Variants in GHR observed in about 807,000 individuals in gnomAD.
GHR encodes GH receptor.
GHR carries 35 observed loss-of-function variants against 67.1 expected under a neutral mutation model. That is an observed-to-expected ratio of 0.52 (90% CI 0.40 to 0.69). The LOEUF is 0.69. GHR is among the 30% of genes least tolerant of loss of function. The probability of loss-of-function intolerance (pLI) is 0.00; values close to 1 mark genes in which losing one functional copy is unlikely to be tolerated. For missense variants in GHR, 792 were observed against 764.6 expected (o/e 1.04, Z -0.42); for synonymous variants, 272 against 269.1 (o/e 1.01, Z -0.10).
At chr5:42,567,906 A>G (rs1272646419) in intron 2 of GHR, among the ~76,000 whole-genome samples, 1 of 152,096 alleles carries the variant, frequency 6.6e-6, no homozygotes. Flanking sequence ...GATAATATTT[A>G]TGGACCATGT....
At chr5:42,529,125 C>T (rs1375028541) in intron 1 of GHR, among the ~76,000 whole-genome samples, 1 of 151,812 alleles carries the variant, frequency 6.6e-6, no homozygotes, top group Non-Finnish European at 1.5e-5. Flanking sequence ...CATTCTCCTG[C>T]CTCAGCCTCC....
intron 5 of GHR, among the ~76,000 whole-genome samples, chr5:42,695,368 CG>C (rs1757625735): frequency 6.6e-6 from 1 of 152,116 alleles, no homozygotes; most frequent in African/African-American, 2.4e-5. Flanking sequence ...TTTGAAGCTG[CG>C]TTGTGTTTTT....
At chr5:42,587,918 A>G (rs1751568728) in intron 2 of GHR, among the ~76,000 whole-genome samples, 1 of 152,098 alleles carries the variant, frequency 6.6e-6, no homozygotes, top group South Asian at 2.1e-4. Context: ...GTGAGTTATA[A>G]TCGCCCAGGA....
intron 3 of GHR, among the ~76,000 whole-genome samples, chr5:42,683,548 A>G (rs1756989935): frequency 6.6e-6 from 1 of 152,212 alleles, no homozygotes; most frequent in Non-Finnish European, 1.5e-5. Context: ...GGAAATACAT[A>G]AGGCTGTGAA....
chr5:42,545,025 G>C (rs1748678368), intron 1 of GHR, among the ~76,000 whole-genome samples: 2 of 152,060 alleles, frequency 1.3e-5, no homozygotes, highest in African/African-American at 4.8e-5. Flanking sequence ...AATGATACCA[G>C]ATCTGTTCTA....
intron 2 of GHR, among the ~76,000 whole-genome samples, chr5:42,628,672 G>C (rs1337690686): frequency 7.6e-6 from 1 of 132,082 alleles, no homozygotes; most frequent in Non-Finnish European, 1.6e-5. Context: ...TGCTATGTCA[G>C]AGTCAGCCAC....
chr5:42,639,934 G>T (rs1380642150), intron 3 of GHR, among the ~76,000 whole-genome samples: 1 of 152,136 alleles, frequency 6.6e-6, no homozygotes, highest in Non-Finnish European at 1.5e-5. Flanking sequence ...AATTACCTGA[G>T]AGCAATTGAA....
intron 1 of GHR, among the ~76,000 whole-genome samples, chr5:42,546,178 C>T (rs1178930743): frequency 6.6e-6 from 1 of 152,054 alleles, no homozygotes; most frequent in African/African-American, 2.4e-5. Context: ...TTACTTTTTC[C>T]CATTACTCTT....
At chr5:42,677,593 A>C (rs930680487) in intron 3 of GHR, among the ~76,000 whole-genome samples, 5 of 152,224 alleles carry the variant, frequency 3.3e-5, no homozygotes, top group African/African-American at 9.6e-5. Context: ...TAGCTGCCAC[A>C]GTATCACCAC....
At chr5:42,668,716 A>T (rs942703531) in intron 3 of GHR, among the ~76,000 whole-genome samples, 5 of 152,156 alleles carry the variant, frequency 3.3e-5, no homozygotes, top group Non-Finnish European at 7.4e-5. Flanking sequence ...CTTGTAGACC[A>T]TATTTATCTT....
At chr5:42,694,848 A>G in intron 4 of GHR, 69 bp from the exon 5 acceptor site, 1 of 1,138,848 alleles carries the variant, frequency 8.8e-7, no homozygotes, top group Non-Finnish European at 1.3e-6. Flanking sequence ...ACTATCAAGC[A>G]CCTTACTTGG....
intron 3 of GHR, among the ~76,000 whole-genome samples, chr5:42,686,112 T>A (rs1019637704): frequency 1.3e-4 from 20 of 152,204 alleles, no homozygotes; most frequent in African/African-American, 4.8e-4. Flanking sequence ...TTGAGTTAAT[T>A]TTTGTATAAG....
At chr5:42,599,214 T>C (rs1414914991) in intron 2 of GHR, among the ~76,000 whole-genome samples, 2 of 152,190 alleles carry the variant, frequency 1.3e-5, no homozygotes, top group Non-Finnish European at 2.9e-5. Flanking sequence ...GGTAGAAACT[T>C]TAAAAGCCAG....
At chr5:42,713,184 CT>C (rs1316557508) in intron 7 of GHR, among the ~76,000 whole-genome samples, 27 of 152,036 alleles carry the variant, frequency 1.8e-4, no homozygotes, top group East Asian at 1.2e-3. Context: ...TGATTTTGAA[CT>C]ATATGCTGTT....
intron 2 of GHR, among the ~76,000 whole-genome samples, chr5:42,623,341 C>A (rs886445626): frequency 1.3e-5 from 2 of 152,070 alleles, no homozygotes; most frequent in African/African-American, 4.8e-5. Context: ...GGCGCTCCAC[C>A]CCAAGCATAG....
At chr5:42,522,222 A>G (rs148707299) in intron 1 of GHR, among the ~76,000 whole-genome samples, 2 of 152,308 alleles carry the variant, frequency 1.3e-5, no homozygotes, top group Admixed American at 6.5e-5. Context: ...AGGGTGGTAT[A>G]TGTTGCCTGC....
chr5:42,713,473 G>T lies in GHR; in HGVS notation c.829G>T (p.Gly277Trp). 1.3e-6 allele frequency: 2 copies of T among 1,502,972 alleles called. No homozygotes were observed. Among genetic ancestry groups the T allele is most frequent in the Non-Finnish European group, 9.2e-7 (1 of 1,082,112 alleles). 93.1% of individuals were successfully genotyped at this position (1,502,972 alleles called of 1,614,324 possible). The change falls in exon 8 of 10, where the codon GGG (glycine) becomes TGG (tryptophan). Residue 277 changes from glycine to tryptophan, a missense_variant. Transcript: ENST00000230882. ...WLLIIIFGIFGLTVMLFVFLF... is the reference protein window; with the variant it reads ...WLLIIIFGIFWLTVMLFVFLF... Reference sequence around the variant, plus strand: ...CTTAATTATTATCTTTGGAATATTTGGGCTAACAGTGATGCTATTTGTATT... The same window carrying T: ...CTTAATTATTATCTTTGGAATATTTTGGCTAACAGTGATGCTATTTGTATT...
At chr5:42,652,569 A>G (rs1366220804) in intron 3 of GHR, among the ~76,000 whole-genome samples, 2 of 152,186 alleles carry the variant, frequency 1.3e-5, no homozygotes, top group Admixed American at 6.5e-5. Flanking sequence ...AAGGAGCAAG[A>G]ATATAGACTG....
chr5:42,610,144 A>G (rs1413194648), intron 2 of GHR, among the ~76,000 whole-genome samples: 1 of 152,184 alleles, frequency 6.6e-6, no homozygotes, highest in African/African-American at 2.4e-5. Flanking sequence ...ACAAGAATAT[A>G]CAGGAATGTA....
Sources: gnomAD v4.1 joint callset for allele counts (sites outside exome capture counted in the v4.1 genomes callset) on GRCh38, gnomAD v4.1.1 for gene constraint, MANE v1.5 for transcripts, NCBI Gene and HGNC (gene_info 2026-07-23, HGNC 2026-07-21) for gene names.